DNAH11: variants seen among roughly 807,000 people sequenced by gnomAD.
DNAH11 encodes axonemal beta dynein heavy chain 11.
A neutral mutation model predicts 526.0 loss-of-function variants in DNAH11; 442 were observed. That is an observed-to-expected ratio of 0.84 (90% CI 0.78 to 0.91). DNAH11 has a LOEUF of 0.91. Ranked by LOEUF, DNAH11 falls within the 40% of genes least tolerant of loss-of-function variation. DNAH11 has a pLI of 0.00. For synonymous variants in DNAH11, 2,461 were observed against 1,935.9 expected (o/e 1.27, Z -7.12); for missense variants, 6,989 against 5,448.7 (o/e 1.28, Z -8.90).
At chr7:21,897,271 CTGTT>C (rs1336740210) in intron 79 of DNAH11, among the ~76,000 whole-genome samples, 7 of 152,106 alleles carry the variant, frequency 4.6e-5, no homozygotes, top group Non-Finnish European at 1.0e-4. Flanking sequence ...ATAAACCTTC[CTGTT>C]TGTTGGATTT....
At chr7:21,708,260 C>T (rs1423386886) in intron 40 of DNAH11, among the ~76,000 whole-genome samples, 1 of 152,190 alleles carries the variant, frequency 6.6e-6, no homozygotes, top group Non-Finnish European at 1.5e-5. Flanking sequence ...TTGTGACAAT[C>T]TGTTAAGATT....
rs1785584199 is a variant in DNAH11, at chr7:21,735,800, C to A, written c.7601C>A (p.Ser2534Tyr). 6.2e-7 allele frequency: 1 copy of A among 1,613,678 alleles called. No individual in the cohort carries two copies. Among genetic ancestry groups the A allele is most frequent in the Non-Finnish European group, 8.5e-7 (1 of 1,179,810 alleles). ...AGTCTCTCTGAGGATTACATAGTAT[C>A]CCGTGTGCCTTTCAACTACTACACG... ...LASLSEDYIV[S>Y]RVPFNYYTTS... Residue 2534 changes from serine to tyrosine, a missense_variant, in exon 46 of 82, where the codon TCC becomes TAC. Physicochemically the swap from Ser to Tyr is moderately radical, Grantham distance 144. Coordinates refer to ENST00000409508, the MANE Select transcript of DNAH11 (RefSeq NM_001277115.2).
chr7:21,738,411 A>T (rs548894120), intron 46 of DNAH11, among the ~76,000 whole-genome samples: 1 of 152,274 alleles, frequency 6.6e-6, no homozygotes, highest in East Asian at 1.9e-4. Context: ...GCAGATCAGC[A>T]ATTGGGTTGT....
chr7:21,681,945 G>T (rs575110335), intron 31 of DNAH11, among the ~76,000 whole-genome samples: 1 of 152,136 alleles, frequency 6.6e-6, no homozygotes, highest in East Asian at 1.9e-4. Flanking sequence ...TGGAAGAACC[G>T]TGAGAAATCA....
chr7:21,789,710 C>A (rs1014702676), intron 61 of DNAH11, among the ~76,000 whole-genome samples: 1 of 151,952 alleles, frequency 6.6e-6, no homozygotes, highest in Non-Finnish European at 1.5e-5. Context: ...CCTCTATGAG[C>A]CTCTGTTTTC....
intron 52 of DNAH11, among the ~76,000 whole-genome samples, chr7:21,749,184 C>T (rs542643186): frequency 6.6e-5 from 10 of 152,214 alleles, no homozygotes; most frequent in South Asian, 4.2e-4. Flanking sequence ...AGGAAACTCT[C>T]GTGTGTTTTT....
intron 65 of DNAH11, among the ~76,000 whole-genome samples, chr7:21,823,257 T>C (rs1387327617): frequency 6.6e-6 from 1 of 152,140 alleles, no homozygotes. Context: ...GAGTGCCATT[T>C]TACCAGTCTA....
chr7:21,688,764 C>T (rs1446948675), intron 34 of DNAH11, among the ~76,000 whole-genome samples: 1 of 152,216 alleles, frequency 6.6e-6, no homozygotes. Flanking sequence ...AAATGCTTCT[C>T]AACACAATGC....
chr7:21,559,834 G>C, intron 4 of DNAH11, 42 bp downstream of exon 4: 6 of 1,505,338 alleles, frequency 4.0e-6, no homozygotes, highest in Non-Finnish European at 3.6e-6. Flanking sequence ...AATTAGCAAA[G>C]TGTCCTGAGC....
At chr7:21,847,885 A>ACCGG (rs1352210878) in intron 66 of DNAH11, among the ~76,000 whole-genome samples, 2 of 151,966 alleles carry the variant, frequency 1.3e-5, no homozygotes, top group East Asian at 3.9e-4. Flanking sequence ...TATGCTTTCG[A>ACCGG]CCGGGTGCAG....
intron 28 of DNAH11, among the ~76,000 whole-genome samples, chr7:21,647,427 C>CTTTTTTTT (rs71026810): frequency 1.2e-4 from 14 of 121,238 alleles, no homozygotes; most frequent in South Asian, 2.7e-4. Flanking sequence ...TTCTTTCTTT[C>CTTTTTTTT]TTTTTTTTTT....
intron 28 of DNAH11, among the ~76,000 whole-genome samples, chr7:21,654,591 G>T (rs1000074754): frequency 2.6e-5 from 4 of 152,142 alleles, no homozygotes; most frequent in African/African-American, 9.7e-5. Context: ...CAACTCTGTA[G>T]GTATATACCT....
intron 8 of DNAH11, among the ~76,000 whole-genome samples, chr7:21,577,214 G>GCCATCC (rs1784130179): frequency 6.6e-6 from 1 of 152,206 alleles, no homozygotes; most frequent in Non-Finnish European, 1.5e-5. Flanking sequence ...GAAGGAGAGA[G>GCCATCC]CTTAACACAA....
intron 25 of DNAH11, among the ~76,000 whole-genome samples, chr7:21,634,075 A>T (rs939557605): frequency 6.6e-6 from 1 of 152,246 alleles, no homozygotes; most frequent in African/African-American, 2.4e-5. Context: ...GAGACAAACT[A>T]TTCAGAGGAA....
chr7:21,818,652 C>A (rs1483914084), intron 65 of DNAH11, among the ~76,000 whole-genome samples: 1 of 152,166 alleles, frequency 6.6e-6, no homozygotes, highest in African/African-American at 2.4e-5. Flanking sequence ...ATTTGCAGAA[C>A]ACCTTGAATA....
chr7:21,675,434 T>G (rs1428218174), intron 30 of DNAH11, among the ~76,000 whole-genome samples: 1 of 152,242 alleles, frequency 6.6e-6, no homozygotes, highest in Non-Finnish European at 1.5e-5. Flanking sequence ...TAGGTCTTAG[T>G]ATACATTCCT....
intron 32 of DNAH11, among the ~76,000 whole-genome samples, chr7:21,685,250 A>C (rs1303433263): frequency 6.6e-6 from 1 of 152,218 alleles, no homozygotes; most frequent in African/African-American, 2.4e-5. Flanking sequence ...TCAAAACTGC[A>C]AATGTGAAGA....
intron 66 of DNAH11, among the ~76,000 whole-genome samples, chr7:21,845,866 A>C (rs1782397358): frequency 6.6e-6 from 1 of 152,224 alleles, no homozygotes; most frequent in African/African-American, 2.4e-5. Context: ...CTTCCTATTC[A>C]TCAACATGCA....
In DNAH11 at chr7:21,804,269, C is replaced by T. The variant is rs529608153; in HGVS notation, c.10165+2994C>T. 2.0e-4 allele frequency among the ~76,000 whole-genome samples: 31 copies of T among 152,102 alleles called. No individual in the cohort carries two copies. The East Asian group carries it at 4.5e-3, about 22-fold the overall frequency. ...GACTACAGGTGCCCGCCACCACATC[C>T]GGCTAATTTTTTTGTATTTTTATTA... On this transcript the variant is annotated intron_variant, in intron 62 of 81. Coordinates refer to ENST00000409508, the MANE Select transcript of DNAH11 (RefSeq NM_001277115.2).
Sources: gnomAD v4.1 joint callset for allele counts (sites outside exome capture counted in the v4.1 genomes callset) on GRCh38, gnomAD v4.1.1 for gene constraint, MANE v1.5 for transcripts, NCBI Gene and HGNC (gene_info 2026-07-23, HGNC 2026-07-21) for gene names.